The following MECR variants were observed in gnomAD, a reference collection of about 807,000 sequenced individuals.
MECR encodes enoyl-[acyl-carrier-protein] reductase, mitochondrial.
In MECR, 37 loss-of-function variants were observed where a neutral mutation model predicts 49.1. The ratio of observed to expected loss-of-function variants is 0.75; its 90% CI spans 0.58 to 0.99. MECR has a LOEUF of 0.99. Among genes scored for constraint, MECR ranks in the 50% least tolerant of loss-of-function variants. The pLI is 0.00. For missense variants in MECR, 470 were observed against 479.6 expected (o/e 0.98, Z 0.19); for synonymous variants, 198 against 191.1 (o/e 1.04, Z -0.30).
At chr1:29,181,486 G>C in the MECR span, among the ~76,000 whole-genome samples, 2 of 152,192 alleles carry the variant, frequency 1.3e-5, no homozygotes, top group Non-Finnish European at 2.9e-5. Flanking sequence ...AGTGGGAACC[G>C]GGGCCTACCC....
the MECR span, among the ~76,000 whole-genome samples, chr1:29,185,546 G>A: frequency 6.6e-6 from 1 of 152,202 alleles, no homozygotes; most frequent in Admixed American, 6.5e-5. Flanking sequence ...CTCCTGAGTA[G>A]CTGGGATTAC....
At chr1:29,220,344 C>G (rs916331930) in intron 1 of MECR, among the ~76,000 whole-genome samples, 5 of 151,826 alleles carry the variant, frequency 3.3e-5, no homozygotes, top group Non-Finnish European at 7.4e-5. Flanking sequence ...GAGGTTGCAA[C>G]AAGTGGAGAT....
chr1:29,173,347 T>C, the MECR span: 2 of 151,596 alleles, frequency 1.3e-5, no homozygotes, highest in African/African-American at 2.4e-5. Flanking sequence ...GGTTTCACCA[T>C]GTTAGCCAGG....
chr1:29,178,683 T>G, the MECR span, among the ~76,000 whole-genome samples: 3 of 152,184 alleles, frequency 2.0e-5, no homozygotes, highest in Non-Finnish European at 4.4e-5. Context: ...AATCTAGATA[T>G]GTTCAAACAT....
chr1:29,190,839 G>A (rs963936903), downstream of MECR, among the ~76,000 whole-genome samples: 3 of 149,972 alleles, frequency 2.0e-5, no homozygotes, highest in African/African-American at 4.9e-5. Flanking sequence ...AGAAACTGAC[G>A]CCTAACACCT....
chr1:29,206,335 G>A (rs1253957106), intron 4 of MECR, among the ~76,000 whole-genome samples: 1 of 152,166 alleles, frequency 6.6e-6, no homozygotes, highest in Non-Finnish European at 1.5e-5. Flanking sequence ...CACTCAACGG[G>A]GATAATGCCT....
chr1:29,199,593 C>T (rs917580382), intron 7 of MECR, among the ~76,000 whole-genome samples: 1 of 151,816 alleles, frequency 6.6e-6, no homozygotes, highest in South Asian at 2.1e-4. Context: ...AGGGCTTATC[C>T]CCCTTGGTAG....
downstream of MECR, among the ~76,000 whole-genome samples, chr1:29,189,667 C>T (rs540594162): frequency 1.7e-4 from 26 of 152,184 alleles, no homozygotes; most frequent in East Asian, 4.6e-3. Flanking sequence ...TGGAAGGGGG[C>T]GGGGTGGGCT....
chr1:29,172,394 C>T, the MECR span: 2,064 of 152,266 alleles, frequency 0.014, 20 homozygotes, highest in Middle Eastern at 0.085. Context: ...CGGGTTCAAG[C>T]GGTTCTCCTG....
At chr1:29,194,207 A>T in intron 9 of MECR, 28 bp from the exon 10 acceptor site, 1 of 1,576,108 alleles carries the variant, frequency 6.3e-7, no homozygotes, top group Non-Finnish European at 8.6e-7. Flanking sequence ...AAATCAGACA[A>T]GAGAACAGCA....
intron 2 of MECR, 82 bp from the exon 3 acceptor site, chr1:29,216,218 G>T: frequency 6.5e-7 from 1 of 1,540,180 alleles, no homozygotes. Flanking sequence ...GCCATCCTAG[G>T]CCTGATCTGG....
At chr1:29,184,130 G>A in the MECR span, among the ~76,000 whole-genome samples, 21 of 149,100 alleles carry the variant, frequency 1.4e-4, no homozygotes, top group East Asian at 5.9e-4. Context: ...TGCCTGCCTC[G>A]GCCTCCCAGA....
chr1:29,194,407 T>C (rs1204456489), intron 9 of MECR, among the ~76,000 whole-genome samples: 2 of 152,100 alleles, frequency 1.3e-5, no homozygotes, highest in East Asian at 3.9e-4. Flanking sequence ...CTCTAGGGGC[T>C]GAGGGGCAGA....
chr1:29,206,003 T>A (rs1676491987), intron 4 of MECR, among the ~76,000 whole-genome samples: 1 of 152,226 alleles, frequency 6.6e-6, no homozygotes, highest in South Asian at 2.1e-4. Context: ...CTTGGCTCTG[T>A]CATTTACTCC....
chr1:29,217,274 A>G (rs1679706904), intron 1 of MECR, among the ~76,000 whole-genome samples: 1 of 149,716 alleles, frequency 6.7e-6, no homozygotes, highest in African/African-American at 2.5e-5. Context: ...CAGTGACACA[A>G]TCTCGGCTCA....
At chr1:29,210,153 C>A (rs1035400791) in intron 3 of MECR, among the ~76,000 whole-genome samples, 1 of 151,932 alleles carries the variant, frequency 6.6e-6, no homozygotes, top group Non-Finnish European at 1.5e-5. Flanking sequence ...TGGGACTACA[C>A]GTGCCCGCCA....
At chr1:29,185,557 A>G in the MECR span, among the ~76,000 whole-genome samples, 3 of 152,196 alleles carry the variant, frequency 2.0e-5, no homozygotes, top group Non-Finnish European at 4.4e-5. Flanking sequence ...CTGGGATTAC[A>G]GGCATGTGCC....
intron 1 of MECR, among the ~76,000 whole-genome samples, chr1:29,227,593 C>G (rs911061815): frequency 1.3e-5 from 2 of 152,152 alleles, no homozygotes; most frequent in Admixed American, 6.5e-5. Context: ...CCTGAGAAGG[C>G]TGTTCCTCAT....
At chr1:29,187,373 TG>T in the MECR span, among the ~76,000 whole-genome samples, 1 of 150,760 alleles carries the variant, frequency 6.6e-6, no homozygotes, top group Non-Finnish European at 1.5e-5. Context: ...CCACCATGCC[TG>T]GGTAATTTTT....
Sources: gnomAD v4.1 joint callset for allele counts (sites outside exome capture counted in the v4.1 genomes callset) on GRCh38, gnomAD v4.1.1 for gene constraint, MANE v1.5 for transcripts, NCBI Gene and HGNC (gene_info 2026-07-23, HGNC 2026-07-21) for gene names.